Variants in CHD9 observed in about 807,000 individuals in gnomAD.
CHD9 encodes ATP-dependent chromatin remodeler CHD9.
A neutral mutation model predicts 316.1 loss-of-function variants in CHD9; 77 were observed. The observed-to-expected ratio is 0.24, with a 90% CI of 0.20 to 0.29. CHD9 has a LOEUF of 0.29. Ranked by LOEUF, CHD9 falls within the 10% of genes least tolerant of loss-of-function variation. The probability of loss-of-function intolerance (pLI) is 1.00; values close to 1 mark genes in which losing one functional copy is unlikely to be tolerated. For synonymous variants in CHD9, 1,129 were observed against 1,158.3 expected, an observed-to-expected ratio of 0.97 and a Z score of 0.51; for missense variants, 2,763 against 3,438.1, an observed-to-expected ratio of 0.80 and a Z score of 4.91.
intron 1 of CHD9, among the ~76,000 whole-genome samples, chr16:53,058,507 T>A (rs139381129): frequency 6.6e-6 from 1 of 152,328 alleles, no homozygotes; most frequent in Non-Finnish European, 1.5e-5. Flanking sequence ...AAGATGTTTC[T>A]GGCAGAAAGG....
At chr16:53,323,447 G>A (rs1264441251) in intron 38 of CHD9, among the ~76,000 whole-genome samples, 1 of 152,200 alleles carries the variant, frequency 6.6e-6, no homozygotes, top group Non-Finnish European at 1.5e-5. Flanking sequence ...AAGTAGCATA[G>A]ATTGTTTTCT....
chr16:53,253,835 C>A (rs1454948469), intron 17 of CHD9, among the ~76,000 whole-genome samples: 1 of 152,026 alleles, frequency 6.6e-6, no homozygotes, highest in East Asian at 1.9e-4. Context: ...AAAATCTGTT[C>A]ATAGGTTTTG....
intron 30 of CHD9, chr16:53,299,689 A>G: frequency 3.0e-6 from 1 of 328,598 alleles, no homozygotes; most frequent in Admixed American, 3.9e-5. Flanking sequence ...TTCCTGAGGA[A>G]ACTCCTTTTT....
At chr16:53,090,545 C>T (rs1412414942) in intron 1 of CHD9, among the ~76,000 whole-genome samples, 2 of 152,142 alleles carry the variant, frequency 1.3e-5, no homozygotes, top group East Asian at 1.9e-4. Context: ...TGTGGGATCA[C>T]GTGTATGACG....
intron 24 of CHD9, among the ~76,000 whole-genome samples, chr16:53,277,062 TTAGA>T (rs2052913050): frequency 6.6e-6 from 1 of 152,188 alleles, no homozygotes; most frequent in African/African-American, 2.4e-5. Flanking sequence ...TCAGGAAGAA[TTAGA>T]TACCCTAAAC....
rs755017950 is a variant in CHD9, at chr16:53,086,681, GTTT to G, written c.-165+31608_-165+31610del. ...CTCTACAAAGAAGAAAGCACAAAAT[GTTT>G]TTTATTATTCATTATCCTTTTAAAA... On this transcript the variant is annotated intron_variant, in intron 1 of 38. Transcript: ENST00000447540. Among the ~76,000 whole-genome samples, 3 of 152,120 alleles carry G rather than the reference GTTT, an allele frequency of 2.0e-5. No individual in the cohort carries two copies. In the East Asian group the frequency reaches 5.8e-4, roughly 29 times the overall value.
At chr16:53,195,069 A>G (rs2044782856) in intron 2 of CHD9, among the ~76,000 whole-genome samples, 1 of 152,220 alleles carries the variant, frequency 6.6e-6, no homozygotes, top group South Asian at 2.1e-4. Context: ...AATTTTCTTG[A>G]AGTATAATGT....
At chr16:53,204,990 C>T (rs772428148) in intron 2 of CHD9, among the ~76,000 whole-genome samples, 6 of 151,950 alleles carry the variant, frequency 3.9e-5, no homozygotes, top group Non-Finnish European at 5.9e-5. Flanking sequence ...ATTAGACGTG[C>T]GCCACCATGC....
In CHD9 at chr16:53,156,874, G is replaced by A. The variant is rs778503865; in HGVS notation, c.785G>A (p.Cys262Tyr). 1 of 1,613,380 alleles carries A rather than the reference G, an allele frequency of 6.2e-7. No individual in the cohort carries two copies. Among genetic ancestry groups the A allele is most frequent in the African/African-American group, 1.3e-5 (1 of 74,910 alleles). The change falls in exon 2 of 39, where the codon TGT (cysteine) becomes TAT (tyrosine). Residue 262 changes from cysteine to tyrosine, a missense_variant. Around this residue, in one of 15 missense-constraint regions of CHD9, gnomAD observed 859 missense variants for 890.4 expected, o/e 0.96. Coordinates refer to ENST00000447540, the MANE Select transcript of CHD9 (RefSeq NM_001308319.2). ...FNGPSPNMTS[C>Y]SVSNSQQFSS... Reference sequence around the variant, plus strand: ...GGACCTTCCCCAAATATGACTTCTTGTTCTGTCAGTAATTCACAGCAATTT... The same window carrying A: ...GGACCTTCCCCAAATATGACTTCTTATTCTGTCAGTAATTCACAGCAATTT...
chr16:53,223,307 T>G (rs2047398054), intron 4 of CHD9: 1 of 150,726 alleles, frequency 6.6e-6, no homozygotes, highest in African/African-American at 2.4e-5. Context: ...GAAGTTAAAA[T>G]TATATATAGT....
At chr16:53,283,285 G>A (rs529547734) in intron 24 of CHD9, among the ~76,000 whole-genome samples, 9 of 152,254 alleles carry the variant, frequency 5.9e-5, no homozygotes, top group African/African-American at 2.2e-4. Flanking sequence ...GCCATTATTG[G>A]CATGTAGTGA....
At chr16:53,216,265 G>T (rs1375775106) in intron 3 of CHD9, among the ~76,000 whole-genome samples, 2 of 152,004 alleles carry the variant, frequency 1.3e-5, no homozygotes, top group African/African-American at 4.8e-5. Flanking sequence ...TTGCTTAACT[G>T]ATTTTATTTT....
chr16:53,183,687 G>A (rs2043725334), intron 2 of CHD9, among the ~76,000 whole-genome samples: 2 of 152,178 alleles, frequency 1.3e-5, no homozygotes, highest in African/African-American at 2.4e-5. Context: ...GTCAGAGTGA[G>A]AGGGTCGCTT....
At chr16:53,309,856 G>A (rs1030074668) in intron 34 of CHD9, among the ~76,000 whole-genome samples, 1 of 152,026 alleles carries the variant, frequency 6.6e-6, no homozygotes, top group Non-Finnish European at 1.5e-5. Context: ...AAAAAAAAAA[G>A]TTGAGAATGG....
chr16:53,303,974 C>T lies in CHD9; in HGVS notation c.5968C>T (p.Pro1990Ser). 6.2e-7 allele frequency: 1 copy of T among 1,613,984 alleles called. No individual in the cohort carries two copies. The highest frequency in any genetic ancestry group is 8.5e-7 in the Non-Finnish European group (1 of 1,179,896). The change falls in exon 31 of 39, where the codon CCT becomes TCT. Residue 1990 changes from proline to serine, a missense_variant. Physicochemically the swap from Pro to Ser is moderately conservative, Grantham distance 74. Coordinates refer to ENST00000447540, the MANE Select transcript of CHD9 (RefSeq NM_001308319.2). ...AACAGACTATCACATTCTTCGTGAT[C>T]CTGAACTCTCATTTATGGCAGCTCA... is the stretch of plus-strand genomic sequence containing the variant. The part of the protein sequence containing the change: ...SRTDYHILRD[P>S]ELSFMAAQRN...
chr16:53,240,564 A>G (rs1379675411), intron 12 of CHD9, among the ~76,000 whole-genome samples: 2 of 152,236 alleles, frequency 1.3e-5, no homozygotes, highest in South Asian at 2.1e-4. Context: ...CACTTCAAAT[A>G]TAGAAATGAC....
chr16:53,072,335 T>A (rs906322345), intron 1 of CHD9, among the ~76,000 whole-genome samples: 6 of 145,978 alleles, frequency 4.1e-5, no homozygotes, highest in Non-Finnish European at 7.6e-5. Context: ...TTTTTTTTTA[T>A]AATTGGGATC....
intron 24 of CHD9, among the ~76,000 whole-genome samples, chr16:53,281,131 A>T (rs2053374751): frequency 6.6e-6 from 1 of 152,176 alleles, no homozygotes; most frequent in South Asian, 2.1e-4. Context: ...TGATCTATAA[A>T]CAGGTAAATC....
chr16:53,145,687 CAA>C (rs768019141), intron 1 of CHD9, among the ~76,000 whole-genome samples: 79 of 151,768 alleles, frequency 5.2e-4, no homozygotes, highest in Middle Eastern at 3.4e-3. Flanking sequence ...GCCTGGGTGA[CAA>C]GAGCAAAACT....
Sources: allele counts gnomAD v4.1 joint callset (sites outside exome capture counted in the v4.1 genomes callset), GRCh38; gene constraint gnomAD v4.1.1; regional missense constraint gnomAD v4.1.1; transcripts MANE v1.5; gene names NCBI Gene and HGNC (gene_info 2026-07-23, HGNC 2026-07-21).